The following NSG2 variants were observed in gnomAD, a reference collection of about 807,000 sequenced individuals.
The protein encoded by NSG2 is neuronal vesicle trafficking-associated protein 2.
In NSG2, 4 loss-of-function variants were observed where a neutral mutation model predicts 16.9. That is an observed-to-expected ratio of 0.24 (90% confidence interval 0.12 to 0.54). The LOEUF is 0.54. NSG2 is among the 20% of genes least tolerant of loss of function. The pLI, the probability that NSG2 is intolerant of heterozygous loss-of-function variation, is 0.95. For synonymous variants in NSG2, 98 were observed against 88.7 expected, an observed-to-expected ratio of 1.11 and a Z score of -0.59; for missense variants, 179 against 221.1, an observed-to-expected ratio of 0.81 and a Z score of 1.21.
In NSG2 at chr5:174,047,354, A is replaced by G. The variant is rs1287692765; in HGVS notation, c.129+470A>G. On this transcript the variant is annotated intron_variant, in intron 2 of 4. Transcript: ENST00000303177. Reference sequence around the variant, plus strand: ...CAAAATTACAAAATCCTTTTCTAGTATGACAGATTAATTCATCCTGGTAAA... The same window carrying G: ...CAAAATTACAAAATCCTTTTCTAGTGTGACAGATTAATTCATCCTGGTAAA... Among the ~76,000 whole-genome samples, 4 of 152,234 alleles carry G rather than the reference A, an allele frequency of 2.6e-5. No homozygotes were observed. The East Asian group carries it at 7.7e-4, about 29-fold the overall frequency.
chr5:174,046,998 C>A, intron 2 of NSG2, 114 bp downstream of exon 2: 1 of 1,034,942 alleles, frequency 9.7e-7, no homozygotes, highest in Non-Finnish European at 1.4e-6. Flanking sequence ...GCCAAATGTG[C>A]TCCCTTTCTT....
At chr5:174,103,833 G>A (rs1165245034) in intron 3 of NSG2, among the ~76,000 whole-genome samples, 4 of 151,974 alleles carry the variant, frequency 2.6e-5, no homozygotes, top group African/African-American at 7.3e-5. Flanking sequence ...GTGTGGTGGT[G>A]GGTACCTGTA....
At chr5:174,082,164 G>A (rs1334204414) in intron 3 of NSG2, 1 of 152,116 alleles carries the variant, frequency 6.6e-6, no homozygotes, top group Non-Finnish European at 1.5e-5. Context: ...TCTCTTAATT[G>A]TAACTCCCTT....
At position 174,047,017 on chromosome 5, in the gene NSG2, T is replaced by C. The variant is rs746399269; in HGVS notation, c.129+133T>C. ...AATGTGCTCCCTTTCTTGTAAAATGTAGTTATTCCTTCCAGAGCCAAGACA... is the reference window on the plus strand; with the variant it reads ...AATGTGCTCCCTTTCTTGTAAAATGCAGTTATTCCTTCCAGAGCCAAGACA... On this transcript the variant is annotated intron_variant, in intron 2 of 4. Transcript: ENST00000303177. 5.6e-5 allele frequency: 49 copies of C among 878,694 alleles called. No homozygotes were observed. The African/African-American group carries it at 6.7e-4, about 12-fold the overall frequency. 54.4% of individuals were successfully genotyped at this position (878,694 alleles called of 1,614,324 possible). A position where few individuals can be genotyped will look rare whatever the true frequency, so the allele number is the denominator to read the frequency against.
intron 3 of NSG2, among the ~76,000 whole-genome samples, chr5:174,100,695 G>C (rs1431697167): frequency 6.6e-6 from 1 of 152,204 alleles, no homozygotes; most frequent in Non-Finnish European, 1.5e-5. Context: ...TGGTGCTTTG[G>C]TGAATCAGCC....
At chr5:174,073,673 G>A (rs1045767571) in intron 3 of NSG2, among the ~76,000 whole-genome samples, 4 of 152,106 alleles carry the variant, frequency 2.6e-5, no homozygotes, top group East Asian at 1.9e-4. Flanking sequence ...ATTTTTTAAC[G>A]AAACATTCCT....
Position 174,104,343 on chromosome 5 carries a change from G to A in NSG2, c.324+5G>A. ...CCAGAGGGATTCGTCTATAAGGTAA[G>A]AGGTGGTTGAGTAGTCCCAGGTCAC... On this transcript the variant is annotated splice_donor_5th_base_variant and intron_variant, in intron 4 of 4. Coordinates refer to ENST00000303177, the MANE Select transcript of NSG2 (RefSeq NM_015980.5). The A allele has an allele frequency of 1.3e-6, 2 of 1,591,764 alleles. No homozygotes were observed. Among genetic ancestry groups the A allele is most frequent in the Non-Finnish European group, 1.7e-6 (2 of 1,159,692 alleles).
chr5:174,083,496 T>C (rs1277230967), intron 3 of NSG2, among the ~76,000 whole-genome samples: 1 of 152,042 alleles, frequency 6.6e-6, no homozygotes, highest in South Asian at 2.1e-4. Context: ...TGGCAAGAGG[T>C]GGACTGTGCT....
At position 174,064,223 on chromosome 5, in the gene NSG2, C is replaced by G; in HGVS notation, c.130-9C>G. On this transcript the variant is annotated splice_polypyrimidine_tract_variant and intron_variant, in intron 2 of 4. Transcript: ENST00000303177. ...CCATGCATGCTAACACACTGGTTGA[C>G]TCTTTCAGGTGATTGTGAAGACAAG... The G allele has an allele frequency of 6.3e-7, 1 of 1,597,378 alleles. No individual in the cohort carries two copies. The highest frequency in any genetic ancestry group is 1.3e-5 in the African/African-American group (1 of 74,830).
intron 3 of NSG2, among the ~76,000 whole-genome samples, chr5:174,089,873 G>A (rs544474606): frequency 2.0e-4 from 31 of 152,116 alleles, no homozygotes; most frequent in Admixed American, 3.3e-4. Flanking sequence ...CTCCTGCCTC[G>A]ACCTCCCAAA....
At chr5:174,070,886 C>G (rs1164474502) in intron 3 of NSG2, among the ~76,000 whole-genome samples, 2 of 152,216 alleles carry the variant, frequency 1.3e-5, no homozygotes, top group Non-Finnish European at 2.9e-5. Flanking sequence ...CCAGCACTGG[C>G]CTGGCATGGA....
In NSG2 at chr5:174,064,305, C is replaced by T; in HGVS notation, c.203C>T (p.Ala68Val). ...GGGAAGTTCCGGGTGCCGAAAATCG[C>T]TGAATTTACGGTCAGTTTCTTGATG... is the stretch of plus-strand genomic sequence containing the variant. ...NKGKFRVPKI[A>V]EFTVTILVSL... The change falls in exon 3 of 5, where the codon GCT (alanine) becomes GTT (valine). Residue 68 changes from alanine (A) to valine (V), a missense_variant. By Grantham distance (64) the Ala-to-Val change is moderately conservative (BLOSUM62 0). Transcript: ENST00000303177. The T allele has an allele frequency of 1.2e-6, 2 of 1,610,274 alleles. No homozygotes were observed. The highest frequency in any genetic ancestry group is 1.7e-6 in the Non-Finnish European group (2 of 1,177,426).
At chr5:174,099,751 C>T (rs922359823) in intron 3 of NSG2, among the ~76,000 whole-genome samples, 1 of 152,132 alleles carries the variant, frequency 6.6e-6, no homozygotes. Flanking sequence ...GAGCCTTCTT[C>T]CCCTCATCCT....
intron 2 of NSG2, among the ~76,000 whole-genome samples, chr5:174,053,728 T>C (rs535914509): frequency 1.3e-5 from 2 of 152,296 alleles, no homozygotes; most frequent in African/African-American, 4.8e-5. Context: ...AAATACCTTA[T>C]AATTTAAAAA....
intron 3 of NSG2, among the ~76,000 whole-genome samples, chr5:174,089,055 C>A (rs887645626): frequency 1.3e-5 from 2 of 152,134 alleles, no homozygotes; most frequent in Non-Finnish European, 1.5e-5. Flanking sequence ...TCAGCCATGA[C>A]CCCCATCTGC....
intron 4 of NSG2, 124 bp downstream of exon 4, chr5:174,104,462 A>C: frequency 2.9e-6 from 2 of 681,820 alleles, no homozygotes; most frequent in South Asian, 3.6e-5. Flanking sequence ...TTTAAAATGG[A>C]ATATGTGTTT....
chr5:174,106,316 A>T (rs1201396327), intron 4 of NSG2, among the ~76,000 whole-genome samples: 1 of 152,202 alleles, frequency 6.6e-6, no homozygotes, highest in Non-Finnish European at 1.5e-5. Flanking sequence ...TTGTTTAAAG[A>T]ACCTAGCTCT....
At chr5:174,083,348 T>G (rs2113457116) in intron 3 of NSG2, among the ~76,000 whole-genome samples, 1 of 152,330 alleles carries the variant, frequency 6.6e-6, no homozygotes, top group South Asian at 2.1e-4. Context: ...TCCATTTTAG[T>G]TCTCTGGGGA....
At chr5:174,077,911 G>A (rs1257222688) in intron 3 of NSG2, among the ~76,000 whole-genome samples, 6 of 152,060 alleles carry the variant, frequency 3.9e-5, no homozygotes, top group Non-Finnish European at 8.8e-5. Flanking sequence ...CATTCTAACA[G>A]TACAGAAAGG....
Sources: gnomAD v4.1 joint callset for allele counts (sites outside exome capture counted in the v4.1 genomes callset) on GRCh38, gnomAD v4.1.1 for gene constraint, MANE v1.5 for transcripts, NCBI Gene and HGNC (gene_info 2026-07-23, HGNC 2026-07-21) for gene names.